Variants in EVC2 observed in about 807,000 individuals in gnomAD.
The protein encoded by EVC2 is EvC ciliary complex subunit 2.
Under a neutral mutation model 149.3 loss-of-function variants are expected in EVC2, and 148 were observed. The ratio of observed to expected loss-of-function variants is 0.99; its 90% CI spans 0.87 to 1.14. The LOEUF (loss-of-function observed/expected upper bound fraction) is 1.14. Ranked by LOEUF, EVC2 falls within the 50% of genes most tolerant of loss-of-function variation. EVC2 has a pLI of 0.00. For synonymous variants in EVC2, 776 were observed against 649.9 expected (o/e 1.19, Z -2.95); for missense variants, 1,854 against 1,627.3 (o/e 1.14, Z -2.40).
intron 13 of EVC2, among the ~76,000 whole-genome samples, chr4:5,624,196 T>C (rs1479306454): frequency 2.6e-5 from 4 of 152,040 alleles, no homozygotes; most frequent in African/African-American, 9.7e-5. Context: ...GGGAAAAAAA[T>C]TGAGATGCAT....
At chr4:5,590,698 G>A (rs1358975627) in intron 16 of EVC2, among the ~76,000 whole-genome samples, 2 of 152,278 alleles carry the variant, frequency 1.3e-5, no homozygotes, top group Middle Eastern at 3.4e-3. Flanking sequence ...ACATTCTGAT[G>A]TCAGAAGGTA....
chr4:5,656,496 T>C (rs1019148994), intron 9 of EVC2, among the ~76,000 whole-genome samples: 1 of 152,216 alleles, frequency 6.6e-6, no homozygotes, highest in African/African-American at 2.4e-5. Context: ...GTGAAGGATC[T>C]TGACACGAGG....
chr4:5,692,276 C>T (rs971356816), intron 3 of EVC2, among the ~76,000 whole-genome samples: 3 of 152,186 alleles, frequency 2.0e-5, no homozygotes, highest in Admixed American at 6.5e-5. Flanking sequence ...GATCCTCCTG[C>T]CTTGGCCTCC....
rs573998511 is a variant in EVC2 at position 5,625,092 on chromosome 4, T to C, written c.2046+657A>G. On this transcript the variant is annotated intron_variant, in intron 13 of 21. Coordinates refer to ENST00000344408, the MANE Select transcript of EVC2 (RefSeq NM_147127.5). This position sits in a 1 kb window ranked among gnomAD's most constrained non-coding sequence, Gnocchi z 4.0. ...TCAGCTTCCTAAATCACAGATCTGA[T>C]GTCTCTCTCACCTCCGGAAGACCCT... 1.3e-5 allele frequency among the ~76,000 whole-genome samples: 2 copies of C among 152,182 alleles called. No homozygotes were observed. The highest frequency in any genetic ancestry group is 3.9e-4 in the East Asian group (2 of 5,164).
chr4:5,623,919 C>T (rs1179991150), intron 13 of EVC2, among the ~76,000 whole-genome samples: 2 of 152,160 alleles, frequency 1.3e-5, no homozygotes, highest in African/African-American at 4.8e-5. Flanking sequence ...TAGAAAAGTG[C>T]CTGACATAGA....
At chr4:5,608,714 TTAG>T (rs1451863459) in intron 16 of EVC2, among the ~76,000 whole-genome samples, 1 of 152,096 alleles carries the variant, frequency 6.6e-6, no homozygotes, top group Non-Finnish European at 1.5e-5. Flanking sequence ...TTTTGTATTT[TTAG>T]TAGAGACTGG....
chr4:5,665,504 G>A lies in EVC2; in HGVS notation c.1005+11C>T. ...TCACCACCTTCCAAACCACCCTCAG[G>A]GAAGACTCACCCGATGTCTGGTGAG... On this transcript the variant is annotated intron_variant, in intron 8 of 21. Coordinates refer to ENST00000344408, the MANE Select transcript of EVC2 (RefSeq NM_147127.5). 1 of 1,613,964 alleles carries A rather than the reference G, an allele frequency of 6.2e-7. No homozygotes were observed. Among genetic ancestry groups the A allele is most frequent in the Non-Finnish European group, 8.5e-7 (1 of 1,179,992 alleles).
intron 13 of EVC2, 88 bp from the exon 14 acceptor site, chr4:5,623,079 A>C: frequency 1.7e-6 from 2 of 1,210,978 alleles, no homozygotes; most frequent in South Asian, 2.7e-5. Flanking sequence ...GGAAGCACAG[A>C]ATGTTTATAG....
chr4:5,541,822 C>A (rs1721518690), downstream of EVC2, among the ~76,000 whole-genome samples: 1 of 152,188 alleles, frequency 6.6e-6, no homozygotes, highest in African/African-American at 2.4e-5. Flanking sequence ...ATGGCGGGGC[C>A]TGTTCTACGT....
rs573055850 is a variant in EVC2 at position 5,630,936 on chromosome 4, G to A, written c.1710+857C>T. On this transcript the variant is annotated intron_variant, in intron 11 of 21. Transcript: ENST00000344408. ...GCAAGCTATCAGCACCAGTGACAGCGCTGGAGCCAAACAACAAAGTGCATT... is the reference window on the plus strand; with the variant it reads ...GCAAGCTATCAGCACCAGTGACAGCACTGGAGCCAAACAACAAAGTGCATT... Among the ~76,000 whole-genome samples the A allele has an allele frequency of 1.1e-4, 17 of 152,300 alleles. No homozygotes were observed. The East Asian group carries it at 1.2e-3, about 10-fold the overall frequency.
chr4:5,534,243 T>C, the EVC2 span, among the ~76,000 whole-genome samples: 1 of 152,172 alleles, frequency 6.6e-6, no homozygotes, highest in Non-Finnish European at 1.5e-5. Flanking sequence ...GAGAATGACA[T>C]GAGAATGTTA....
the EVC2 span, among the ~76,000 whole-genome samples, chr4:5,530,363 G>T: frequency 6.6e-6 from 1 of 152,130 alleles, no homozygotes; most frequent in Admixed American, 6.5e-5. Flanking sequence ...ACGAAATTGC[G>T]TGTGTGGCTT....
chr4:5,649,619 G>C (rs1717968273), intron 9 of EVC2, among the ~76,000 whole-genome samples: 1 of 152,206 alleles, frequency 6.6e-6, no homozygotes, highest in Non-Finnish European at 1.5e-5. Context: ...TGTCCAGAAA[G>C]TGAAGGAGGA....
In EVC2 at chr4:5,618,702, C is replaced by A; in HGVS notation, c.2502-20G>T. On this transcript the variant is annotated intron_variant, in intron 14 of 21. Coordinates refer to ENST00000344408, the MANE Select transcript of EVC2 (RefSeq NM_147127.5). This position sits in a 1 kb window ranked among gnomAD's most constrained non-coding sequence, Gnocchi z 4.4. ...AGCTTCCTGGGAGGAAGAACAGAGA[C>A]ACACTCTTAACACAGAGAAAGCCTG... The A allele has an allele frequency of 6.4e-7, 1 of 1,570,388 alleles. No individual in the cohort carries two copies.
chr4:5,699,882 T>C (rs1313317060), intron 1 of EVC2, among the ~76,000 whole-genome samples: 1 of 152,170 alleles, frequency 6.6e-6, no homozygotes, highest in Non-Finnish European at 1.5e-5. Context: ...GGCTCACGCC[T>C]GTAATCCCAG....
At chr4:5,674,350 T>C (rs1356060177) in intron 7 of EVC2, among the ~76,000 whole-genome samples, 1 of 152,230 alleles carries the variant, frequency 6.6e-6, no homozygotes, top group Non-Finnish European at 1.5e-5. Flanking sequence ...TGTTGAGTTC[T>C]GAACCTGGCC....
chr4:5,533,998 G>A, the EVC2 span, among the ~76,000 whole-genome samples: 1 of 152,188 alleles, frequency 6.6e-6, no homozygotes, highest in African/African-American at 2.4e-5. Context: ...GAGCCAAGAG[G>A]CATATCCTTC....
At chr4:5,558,983 T>C (rs1381141224), downstream of EVC2, among the ~76,000 whole-genome samples, 1 of 152,062 alleles carries the variant, frequency 6.6e-6, no homozygotes, top group Non-Finnish European at 1.5e-5. Flanking sequence ...ATTTGAGTCT[T>C]GGAGTTTGAG....
chr4:5,558,222 T>G (rs1280925696), downstream of EVC2, among the ~76,000 whole-genome samples: 1 of 152,114 alleles, frequency 6.6e-6, no homozygotes, highest in East Asian at 1.9e-4. Context: ...GCATAGATCA[T>G]TGGAACAGAA....
Sources: gnomAD v4.1 joint callset for allele counts (sites outside exome capture counted in the v4.1 genomes callset) on GRCh38, gnomAD v4.1.1 for gene constraint, Gnocchi (gnomAD v3.1) non-coding constraint, MANE v1.5 for transcripts, NCBI Gene and HGNC (gene_info 2026-07-23, HGNC 2026-07-21) for gene names.